QRFPR: variants seen among roughly 807,000 people sequenced by gnomAD.
QRFPR encodes pyroglutamylated RFamide peptide receptor.
A neutral mutation model predicts 31.3 loss-of-function variants in QRFPR; 37 were observed. The ratio of observed to expected loss-of-function variants is 1.18; its 90% CI spans 0.91 to 1.56. The LOEUF (loss-of-function observed/expected upper bound fraction) is 1.56, where lower values mean the gene tolerates loss of function less well. QRFPR is among the 40% of genes most tolerant of loss of function. QRFPR has a pLI of 0.00. For synonymous variants in QRFPR, 197 were observed against 192.0 expected, an observed-to-expected ratio of 1.03 and a Z score of -0.22; for missense variants, 542 against 532.5, an observed-to-expected ratio of 1.02 and a Z score of -0.18.
chr4:121,331,359 T>C (rs1447380536), intron 4 of QRFPR, among the ~76,000 whole-genome samples: 1 of 151,278 alleles, frequency 6.6e-6, no homozygotes, highest in African/African-American at 2.4e-5. Flanking sequence ...AATTTTTAAA[T>C]TTTTTGTAGA....
At chr4:121,334,006 AGG>A (rs2110467190) in intron 3 of QRFPR, among the ~76,000 whole-genome samples, 1 of 152,368 alleles carries the variant, frequency 6.6e-6, no homozygotes, top group East Asian at 1.9e-4. Context: ...GTTCTGACCT[AGG>A]TGTTACTTAC....
intron 1 of QRFPR, among the ~76,000 whole-genome samples, chr4:121,376,814 T>C (rs1726362511): frequency 7.0e-6 from 1 of 142,878 alleles, no homozygotes; most frequent in Middle Eastern, 3.6e-3. Context: ...GAGCCATTAC[T>C]ACTTCAAGTA....
intron 1 of QRFPR, chr4:121,369,746 G>A: frequency 5.0e-6 from 8 of 1,601,994 alleles, no homozygotes; most frequent in Non-Finnish European, 6.8e-6. Flanking sequence ...ATTTGGGCCA[G>A]GTAAGGCTGT....
At chr4:121,369,493 C>T in intron 1 of QRFPR, 2 of 1,318,600 alleles carry the variant, frequency 1.5e-6, no homozygotes, top group Non-Finnish European at 2.1e-6. Flanking sequence ...CCCGTGGTGG[C>T]TGTTTCCTCC....
intron 1 of QRFPR, chr4:121,369,549 G>C: frequency 6.2e-7 from 1 of 1,605,310 alleles, no homozygotes; most frequent in Non-Finnish European, 8.5e-7. Context: ...AAGGCTGCTG[G>C]ATCTTCAGCC....
Position 121,380,560 on chromosome 4 carries a change from G to A in QRFPR, c.88C>T (p.Arg30Trp), listed in dbSNP as rs1400833643. The A allele has an allele frequency of 6.2e-6, 10 of 1,609,112 alleles. No homozygotes were observed. Among genetic ancestry groups the A allele is most frequent in the Non-Finnish European group, 8.5e-6 (10 of 1,178,000 alleles). The change falls in exon 1 of 6, where the codon CGG (arginine) becomes TGG (tryptophan). Residue 30 changes from arginine (R) to tryptophan (W), a missense_variant. Transcript: ENST00000394427. ...LTREQFIALYRLRPLVYTPEL... is the reference protein window; with the variant it reads ...LTREQFIALYWLRPLVYTPEL... ...GGGGTGTAGACGAGCGGTCGCAGCC[G>A]GTACAGAGCGATGAACTGCTCCCGC...
At chr4:121,362,148 C>T (rs551955529) in intron 1 of QRFPR, among the ~76,000 whole-genome samples, 2 of 150,126 alleles carry the variant, frequency 1.3e-5, no homozygotes, top group African/African-American at 4.9e-5. Context: ...AGCCTCTCAC[C>T]TAATGATTTT....
chr4:121,329,528 C>A lies in QRFPR; in HGVS notation c.1082G>T (p.Arg361Met). ...CATTGTAATTCCTGAATTTCCATGC[C>A]TTTGTGCTGGAGAGAAGGTTTTATT... is the stretch of plus-strand genomic sequence containing the variant. ...IVNKTFSPAQ[R>M]HGNSGITMMR... Residue 361 changes from arginine to methionine, a missense_variant, in exon 6 of 6, where the codon AGG becomes ATG. Arg to Met is a moderately conservative substitution (Grantham distance 91). Transcript: ENST00000394427. The A allele has an allele frequency of 6.2e-7, 1 of 1,614,006 alleles. No individual in the cohort carries two copies. The highest frequency in any genetic ancestry group is 2.2e-5 in the East Asian group (1 of 44,856).
chr4:121,358,909 A>T (rs963451765), intron 1 of QRFPR, among the ~76,000 whole-genome samples: 1 of 152,200 alleles, frequency 6.6e-6, no homozygotes, highest in African/African-American at 2.4e-5. Flanking sequence ...CTGTCTTGAC[A>T]ACACTAAAAG....
chr4:121,370,047 T>C (rs1033635048), intron 1 of QRFPR: 6 of 772,856 alleles, frequency 7.8e-6, no homozygotes, highest in Non-Finnish European at 9.7e-6. Context: ...CATGGGTAGC[T>C]TTAGCCTTCA....
intron 1 of QRFPR, chr4:121,370,308 G>A (rs893316810): frequency 1.3e-6 from 1 of 773,086 alleles, no homozygotes; most frequent in Non-Finnish European, 2.4e-6. Context: ...AGGCCCACTA[G>A]CCTCAAGAGC....
chr4:121,357,390 G>A (rs532742270), intron 1 of QRFPR, among the ~76,000 whole-genome samples: 5 of 151,972 alleles, frequency 3.3e-5, no homozygotes, highest in South Asian at 2.1e-4. Flanking sequence ...GAAGGCAGTC[G>A]AATATTTCTG....
At chr4:121,363,418 C>A (rs1273315115) in intron 1 of QRFPR, among the ~76,000 whole-genome samples, 1 of 149,984 alleles carries the variant, frequency 6.7e-6, no homozygotes, top group Non-Finnish European at 1.5e-5. Context: ...CCTTCCTTAC[C>A]AACCCTGCTG....
rs755326490 is a variant in QRFPR at position 121,367,136 on chromosome 4, G to A, written c.340+13172C>T. ...ATCAAGGGAGGTTCCGCTGGGGTGG[G>A]ATAGGGAGTCAGGCACACAGGGGTT... On this transcript the variant is annotated intron_variant, in intron 1 of 5. Coordinates refer to ENST00000394427, the MANE Select transcript of QRFPR (RefSeq NM_198179.3). 4.0e-5 allele frequency among the ~76,000 whole-genome samples: 6 copies of A among 150,012 alleles called. 1 individual carries two copies. The highest frequency in any genetic ancestry group is 9.9e-5 in the African/African-American group (4 of 40,450).
chr4:121,357,624 C>A (rs28758189), intron 1 of QRFPR, among the ~76,000 whole-genome samples: 4,259 of 152,206 alleles, frequency 0.028, 197 homozygotes, highest in African/African-American at 0.096. Context: ...CTTGACTTAG[C>A]TATATGTTGG....
At chr4:121,345,577 T>C (rs1725628969) in intron 1 of QRFPR, among the ~76,000 whole-genome samples, 1 of 152,232 alleles carries the variant, frequency 6.6e-6, no homozygotes. Flanking sequence ...GTCCTACTAC[T>C]ATAGTTTGCC....
At chr4:121,354,170 C>A (rs547526089) in intron 1 of QRFPR, among the ~76,000 whole-genome samples, 2 of 151,978 alleles carry the variant, frequency 1.3e-5, no homozygotes, top group East Asian at 3.9e-4. Context: ...TCTTTTTGCT[C>A]GGGATGGCTT....
At position 121,377,309 on chromosome 4, in the gene QRFPR, C is replaced by T. The variant is rs573015329; in HGVS notation, c.340+2999G>A. Among the ~76,000 whole-genome samples the T allele has an allele frequency of 7.9e-4, 121 of 152,232 alleles. 1 individual carries two copies. Among genetic ancestry groups the T allele is most frequent in the African/African-American group, 2.8e-3 (118 of 41,522 alleles). On this transcript the variant is annotated intron_variant, in intron 1 of 5. Transcript: ENST00000394427. ...GACAGTCTTCCTTTTGTCGCCGTTG[C>T]TTCCTGGTGATCTTCATTGCTTTGT...
At chr4:121,355,459 T>C (rs964968605) in intron 1 of QRFPR, among the ~76,000 whole-genome samples, 2 of 152,126 alleles carry the variant, frequency 1.3e-5, no homozygotes, top group Non-Finnish European at 2.9e-5. Flanking sequence ...CTCTCCTTTT[T>C]TCAGTCAGAT....
Sources: gnomAD v4.1 joint callset for allele counts (sites outside exome capture counted in the v4.1 genomes callset) on GRCh38, gnomAD v4.1.1 for gene constraint, MANE v1.5 for transcripts, NCBI Gene and HGNC (gene_info 2026-07-23, HGNC 2026-07-21) for gene names.